The following HTR4 variants were observed in gnomAD, a reference collection of about 807,000 sequenced individuals.
The protein encoded by HTR4 is 5-hydroxytryptamine (serotonin) receptor 4, G protein-coupled.
A neutral mutation model predicts 36.8 loss-of-function variants in HTR4; 16 were observed. That is an observed-to-expected ratio of 0.43 (90% CI 0.29 to 0.66). HTR4 has a LOEUF of 0.66. Among genes scored for constraint, HTR4 ranks in the 30% least tolerant of loss-of-function variants. The pLI, the probability that HTR4 is intolerant of heterozygous loss-of-function variation, is 0.13. For missense variants in HTR4, 438 were observed against 490.9 expected (o/e 0.89, Z 1.02); for synonymous variants, 189 against 185.1 (o/e 1.02, Z -0.17).
intron 4 of HTR4, among the ~76,000 whole-genome samples, chr5:148,546,255 T>C (rs1306645278): frequency 6.6e-6 from 1 of 152,196 alleles, no homozygotes; most frequent in East Asian, 1.9e-4. Flanking sequence ...TGTGACAAGC[T>C]GGGCCAAAGT....
chr5:148,576,383 C>T (rs1175438185), intron 2 of HTR4, among the ~76,000 whole-genome samples: 1 of 151,858 alleles, frequency 6.6e-6, no homozygotes, highest in Non-Finnish European at 1.5e-5. Context: ...ATAAAAATGG[C>T]TATACTGTCC....
At chr5:148,543,755 G>A (rs1252204431) in intron 4 of HTR4, among the ~76,000 whole-genome samples, 1 of 152,182 alleles carries the variant, frequency 6.6e-6, no homozygotes, top group African/African-American at 2.4e-5. Context: ...AAAAGGGACT[G>A]TTAGAAAAAA....
At chr5:148,545,282 G>T (rs970590312) in intron 4 of HTR4, among the ~76,000 whole-genome samples, 5 of 152,214 alleles carry the variant, frequency 3.3e-5, no homozygotes, top group Admixed American at 2.0e-4. Flanking sequence ...GTCAGAGAAT[G>T]AAATGGAATT....
intron 2 of HTR4, among the ~76,000 whole-genome samples, chr5:148,624,553 A>G (rs1228559566): frequency 6.6e-6 from 1 of 152,196 alleles, no homozygotes; most frequent in East Asian, 1.9e-4. Flanking sequence ...TACAAAATAA[A>G]AGGCATGTTG....
At chr5:148,638,724 A>G (rs1227914825) in intron 1 of HTR4, among the ~76,000 whole-genome samples, 1 of 152,168 alleles carries the variant, frequency 6.6e-6, no homozygotes, top group Non-Finnish European at 1.5e-5. Context: ...TCATACCCTA[A>G]GACCAAACCA....
chr5:148,589,985 C>A (rs983616240), intron 2 of HTR4, among the ~76,000 whole-genome samples: 58 of 151,988 alleles, frequency 3.8e-4, no homozygotes, highest in Admixed American at 2.1e-3. Context: ...TACCCTTTGC[C>A]CAACATCTCT....
intron 2 of HTR4, among the ~76,000 whole-genome samples, chr5:148,611,790 G>T (rs1007868157): frequency 1.3e-5 from 2 of 151,148 alleles, no homozygotes; most frequent in Non-Finnish European, 3.0e-5. Flanking sequence ...CCCATCTCAC[G>T]TGCAGAGACA....
At chr5:148,529,574 T>C (rs1463724629) in intron 4 of HTR4, among the ~76,000 whole-genome samples, 3 of 152,254 alleles carry the variant, frequency 2.0e-5, no homozygotes, top group African/African-American at 7.2e-5. Context: ...TCTCTTTCTT[T>C]TGTAAATTGC....
At chr5:148,502,333 G>A (rs1011550455) in intron 6 of HTR4, among the ~76,000 whole-genome samples, 2 of 152,198 alleles carry the variant, frequency 1.3e-5, no homozygotes, top group Non-Finnish European at 2.9e-5. Flanking sequence ...AACATTTGCT[G>A]TTCAGCAATA....
chr5:148,521,845 T>C (rs1292100920), intron 5 of HTR4, among the ~76,000 whole-genome samples: 1 of 152,076 alleles, frequency 6.6e-6, no homozygotes, highest in African/African-American at 2.4e-5. Flanking sequence ...TTCTCTCAAC[T>C]TCTAGCCTGG....
chr5:148,455,236 G>T (rs141380051), intron 5 of HTR4, among the ~76,000 whole-genome samples: 1 of 152,204 alleles, frequency 6.6e-6, no homozygotes, highest in South Asian at 2.1e-4. Context: ...CATGGTGCCC[G>T]TACCCTTAAC....
chr5:148,499,839 G>A (rs1419242456), intron 6 of HTR4, among the ~76,000 whole-genome samples: 4 of 152,154 alleles, frequency 2.6e-5, no homozygotes, highest in Admixed American at 2.6e-4. Context: ...GTTATTGTGA[G>A]ATCTGGTTGT....
chr5:148,601,739 T>C (rs2127269544), intron 2 of HTR4, among the ~76,000 whole-genome samples: 1 of 152,206 alleles, frequency 6.6e-6, no homozygotes, highest in Admixed American at 6.5e-5. Context: ...AGGCGGAGGT[T>C]GCAGTGAACT....
chr5:148,631,808 T>C (rs1753333360), intron 2 of HTR4, among the ~76,000 whole-genome samples: 1 of 152,192 alleles, frequency 6.6e-6, no homozygotes, highest in Non-Finnish European at 1.5e-5. Flanking sequence ...GGTAATTAAT[T>C]TGAAGCCAAC....
At chr5:148,542,792 A>G (rs1347183105) in intron 4 of HTR4, among the ~76,000 whole-genome samples, 1 of 152,168 alleles carries the variant, frequency 6.6e-6, no homozygotes, top group Admixed American at 6.6e-5. Flanking sequence ...TATAGGGAAG[A>G]CTTGGGGATG....
intron 2 of HTR4, among the ~76,000 whole-genome samples, chr5:148,574,389 C>T (rs1760804384): frequency 1.4e-5 from 2 of 145,814 alleles, no homozygotes; most frequent in Admixed American, 6.8e-5. Flanking sequence ...GGCTCTCGCG[C>T]GCTCTCTCTC....
chr5:148,542,276 A>T (rs1759156204), intron 4 of HTR4, among the ~76,000 whole-genome samples: 1 of 152,258 alleles, frequency 6.6e-6, no homozygotes, highest in Non-Finnish European at 1.5e-5. Flanking sequence ...TTTCCTTGTG[A>T]AATGCATTTC....
chr5:148,571,161 T>C (rs1409697723), intron 2 of HTR4, among the ~76,000 whole-genome samples: 11 of 152,114 alleles, frequency 7.2e-5, no homozygotes, highest in Non-Finnish European at 1.3e-4. Flanking sequence ...TTGTTTGTAA[T>C]TATCTAATCT....
chr5:148,642,180 C>A (rs906473878), intron 1 of HTR4, among the ~76,000 whole-genome samples: 6 of 152,104 alleles, frequency 3.9e-5, no homozygotes, highest in African/African-American at 1.4e-4. Context: ...GTAAGTAAAA[C>A]ATTATTATGT....
Sources: allele counts gnomAD v4.1 joint callset (sites outside exome capture counted in the v4.1 genomes callset), GRCh38; gene constraint gnomAD v4.1.1; transcripts MANE v1.5; gene names NCBI Gene and HGNC (gene_info 2026-07-23, HGNC 2026-07-21).